The following DBN1 variants were observed in gnomAD, a reference collection of about 807,000 sequenced individuals.
The protein encoded by DBN1 is drebrin.
Under a neutral mutation model 83.5 loss-of-function variants are expected in DBN1, and 21 were observed. The observed-to-expected ratio is 0.25, with a 90% CI of 0.18 to 0.36. The LOEUF is 0.36. Among genes scored for constraint, DBN1 ranks in the 10% least tolerant of loss-of-function variants. DBN1 has a pLI of 1.00. For synonymous variants in DBN1, 381 were observed against 384.9 expected, an observed-to-expected ratio of 0.99 and a Z score of 0.12; for missense variants, 874 against 935.7, an observed-to-expected ratio of 0.93 and a Z score of 0.86.
At chr5:177,460,770 C>T in intron 8 of DBN1, 67 bp from the exon 9 acceptor site, 1 of 1,501,532 alleles carries the variant, frequency 6.7e-7, no homozygotes, top group Non-Finnish European at 9.1e-7. Context: ...TTCTTTTTTA[C>T]TGTATTTTAT....
rs1354191637 is a variant in DBN1, at chr5:177,466,654, G to C, written c.771+118C>G. 1 of 1,180,392 alleles carries C rather than the reference G, an allele frequency of 8.5e-7. No homozygotes were observed. The highest frequency in any genetic ancestry group is 1.7e-5 in the Admixed American group (1 of 58,396). The allele number at this position is 1,180,392 out of a possible 1,614,324, so 73.1% of individuals were successfully genotyped here. A position where few individuals can be genotyped will look rare whatever the true frequency, so the allele number is the denominator to read the frequency against. On this transcript the variant is annotated intron_variant, in intron 8 of 14. Coordinates refer to ENST00000393565, the MANE Select transcript of DBN1 (RefSeq NM_001363541.2). This position sits in a 1 kb window ranked among gnomAD's most constrained non-coding sequence, Gnocchi z 4.8. ...CTCCATGGCACCCTGTGCCCATGCA[G>C]CTCCCCAGAACAGCCACCACTGTCC...
intron 11 of DBN1, 66 bp downstream of exon 11, chr5:177,459,537 G>A: frequency 1.4e-6 from 2 of 1,434,960 alleles, no homozygotes; most frequent in Non-Finnish European, 1.8e-6. Flanking sequence ...GGGAGTGAGG[G>A]CGGGGGGCTG....
intron 8 of DBN1, among the ~76,000 whole-genome samples, chr5:177,464,963 G>A (rs913646857): frequency 6.6e-6 from 1 of 152,040 alleles, no homozygotes; most frequent in East Asian, 1.9e-4. Flanking sequence ...GACCACCCTG[G>A]CTAACATGGT....
Position 177,467,649 on chromosome 5 carries a change from G to T in DBN1, c.331-22C>A. On this transcript the variant is annotated intron_variant, in intron 4 of 14. Transcript: ENST00000393565. The surrounding 1 kb of genome is among the most constrained non-coding windows in gnomAD (Gnocchi z 9.1). ...CACCCTTCCGCAAGAAGACGGCAGT[G>T]CTCAGGCGGCACCATCCTCCCGCCA... The T allele has an allele frequency of 6.4e-7, 1 of 1,566,196 alleles. No homozygotes were observed. Among genetic ancestry groups the T allele is most frequent in the East Asian group, 2.4e-5 (1 of 42,192 alleles).
chr5:177,472,901 C>G, intron 1 of DBN1: 1 of 957,132 alleles, frequency 1.0e-6, no homozygotes, highest in Non-Finnish European at 1.2e-6. Flanking sequence ...CGAGAGGCCC[C>G]CCGGTGGGCG....
rs111304515 is a variant in DBN1, at chr5:177,467,492, C to A, written c.466G>T (p.Ala156Ser). 5.2e-5 allele frequency: 82 copies of A among 1,589,298 alleles called. No homozygotes were observed. In the African/African-American group the frequency reaches 6.6e-4, roughly 13 times the overall value. ...AAACACACACTAACCACGGGCTCTG[C>A]GTTCTCATCCTCTCGCAGCCGCAGT... ...HRLRLREDEN[A>S]EPVGTTYQKT... The change falls in exon 5 of 15, where the codon GCA (alanine) becomes TCA (serine). Residue 156 changes from alanine (A) to serine (S), a missense_variant. This residue lies in a region of DBN1 where 725 missense variants were observed against 719.7 expected (regional missense o/e 1.01). Transcript: ENST00000393565. This position sits in a 1 kb window ranked among gnomAD's most constrained non-coding sequence, Gnocchi z 9.1.
chr5:177,467,892 G>A lies in DBN1; in HGVS notation c.256-75C>T. 1 of 1,548,408 alleles carries A rather than the reference G, an allele frequency of 6.5e-7. No homozygotes were observed. ...TACACGATAGGGTGCATCTTCCCCG[G>A]GGTGGGAAGAGGGTGGGCTTCCCTC... On this transcript the variant is annotated intron_variant, in intron 3 of 14. Coordinates refer to ENST00000393565, the MANE Select transcript of DBN1 (RefSeq NM_001363541.2). The surrounding 1 kb of genome is among the most constrained non-coding windows in gnomAD (Gnocchi z 9.1).
chr5:177,460,494 T>C lies in DBN1; in HGVS notation c.893A>G (p.Glu298Gly). ...DNPREFFKQQ[E>G]RVASASAGSC... ...GCCCGCAGAGGCCGATGCGACTCTT[T>C]CCTGCTGCTTGAAGAACTCCCTTGG... The change falls in exon 10 of 15, where the codon GAA becomes GGA. Residue 298 changes from glutamate to glycine, a missense_variant. Transcript: ENST00000393565. 1 of 1,614,178 alleles carries C rather than the reference T, an allele frequency of 6.2e-7. No homozygotes were observed. The highest frequency in any genetic ancestry group is 8.5e-7 in the Non-Finnish European group (1 of 1,180,026).
Position 177,457,736 on chromosome 5 carries a change from G to A in DBN1, c.1936C>T (p.Gln646Ter). The change falls in exon 14 of 15, where the codon CAA (glutamine) becomes TAA (stop). Residue 646 changes from glutamine to a stop codon, truncating the protein, a stop_gained. Transcript: ENST00000393565. LOFTEE classifies it high-confidence loss of function. ...TGGGCAAACTCCTCCTCCTGTGATT[G>A]ACTGAAGTACCCCTCACTGGCCTGC... ...GTQASEGYFS[Q>*]SQEEEFAQSE... The A allele has an allele frequency of 6.2e-7, 1 of 1,611,430 alleles. No individual in the cohort carries two copies. Among genetic ancestry groups the A allele is most frequent in the Non-Finnish European group, 8.5e-7 (1 of 1,177,694 alleles).
intron 8 of DBN1, among the ~76,000 whole-genome samples, chr5:177,464,940 G>A (rs971700236): frequency 6.6e-6 from 1 of 152,060 alleles, no homozygotes; most frequent in Non-Finnish European, 1.5e-5. Flanking sequence ...AGATCATGAG[G>A]TCAGGAGATC....
At chr5:177,462,691 G>C (rs1341300259) in intron 8 of DBN1, among the ~76,000 whole-genome samples, 2 of 152,210 alleles carry the variant, frequency 1.3e-5, no homozygotes, top group Non-Finnish European at 2.9e-5. Flanking sequence ...TGCTAAGGTG[G>C]TGAAGTCCCA....
At chr5:177,464,603 C>CAATA (rs58012739) in intron 8 of DBN1, among the ~76,000 whole-genome samples, 20,637 of 138,186 alleles carry the variant, frequency 0.15, 1,611 homozygotes, top group Admixed American at 0.23. Context: ...ACTAAAAAGA[C>CAATA]AATAAATAAA....
At chr5:177,461,750 A>G (rs972843634) in intron 8 of DBN1, among the ~76,000 whole-genome samples, 2 of 152,196 alleles carry the variant, frequency 1.3e-5, no homozygotes, top group African/African-American at 4.8e-5. Context: ...TTTGCTCTCC[A>G]TAGGCCCTGA....
At chr5:177,471,848 C>T (rs1757865813) in intron 1 of DBN1, among the ~76,000 whole-genome samples, 1 of 152,014 alleles carries the variant, frequency 6.6e-6, no homozygotes, top group Non-Finnish European at 1.5e-5. Context: ...GGTTGTGTGG[C>T]CTTGGCAATA....
intron 10 of DBN1, 80 bp from the exon 11 acceptor site, chr5:177,459,820 C>T (rs1267527143): frequency 1.2e-5 from 16 of 1,373,210 alleles, no homozygotes; most frequent in Middle Eastern, 2.1e-4. Flanking sequence ...AGGCCTCTCC[C>T]GCCCCCAGGG....
intron 8 of DBN1, among the ~76,000 whole-genome samples, chr5:177,464,899 A>C (rs1019013252): frequency 3.3e-5 from 5 of 152,016 alleles, no homozygotes; most frequent in East Asian, 3.9e-4. Flanking sequence ...TCACGCCTGT[A>C]ATCCCAGCAC....
chr5:177,464,578 T>G (rs977629555), intron 8 of DBN1, among the ~76,000 whole-genome samples: 20 of 150,582 alleles, frequency 1.3e-4, no homozygotes, highest in African/African-American at 4.9e-4. Context: ...GCCAACATGG[T>G]GAAACCCCAT....
chr5:177,465,389 G>C (rs542376140), intron 8 of DBN1, among the ~76,000 whole-genome samples: 1 of 152,246 alleles, frequency 6.6e-6, no homozygotes, highest in African/African-American at 2.4e-5. Flanking sequence ...CAACTTCATA[G>C]AGACAGAAAG....
chr5:177,464,827 C>T (rs1322019975), intron 8 of DBN1, among the ~76,000 whole-genome samples: 1 of 151,692 alleles, frequency 6.6e-6, no homozygotes. Flanking sequence ...GTAATCCCAG[C>T]TACTTGGGAG....
Sources: allele counts gnomAD v4.1 joint callset (sites outside exome capture counted in the v4.1 genomes callset), GRCh38; gene constraint gnomAD v4.1.1; regional missense constraint gnomAD v4.1.1; non-coding constraint Gnocchi (gnomAD v3.1); transcripts MANE v1.5; gene names NCBI Gene and HGNC (gene_info 2026-07-23, HGNC 2026-07-21).